PRR16: variants seen among roughly 807,000 people sequenced by gnomAD.
The protein encoded by PRR16 is proline rich 16.
Under a neutral mutation model 18.2 loss-of-function variants are expected in PRR16, and 6 were observed. The ratio of observed to expected loss-of-function variants is 0.33; its 90% CI spans 0.18 to 0.65. The LOEUF (loss-of-function observed/expected upper bound fraction) is 0.65. PRR16 is among the 30% of genes least tolerant of loss of function. The pLI, the probability that PRR16 is intolerant of heterozygous loss-of-function variation, is 0.74. For missense variants in PRR16, 412 were observed against 376.6 expected, an observed-to-expected ratio of 1.09 and a Z score of -0.78; for synonymous variants, 151 against 147.8, an observed-to-expected ratio of 1.02 and a Z score of -0.16.
intron 1 of PRR16, among the ~76,000 whole-genome samples, chr5:120,525,318 C>G (rs1294748671): frequency 6.6e-6 from 1 of 152,070 alleles, no homozygotes; most frequent in Non-Finnish European, 1.5e-5. Context: ...TTATAGCTCC[C>G]TATTTCTGCC....
chr5:120,609,396 T>A (rs9327156), intron 1 of PRR16, among the ~76,000 whole-genome samples: 133,443 of 151,938 alleles, frequency 0.88, 58,984 homozygotes, highest in African/African-American at 0.96. Context: ...GTTAGCTCTA[T>A]CCTACTTTCT....
At chr5:120,654,459 A>G (rs144502757) in intron 1 of PRR16, among the ~76,000 whole-genome samples, 5 of 151,638 alleles carry the variant, frequency 3.3e-5, no homozygotes, top group African/African-American at 1.2e-4. Flanking sequence ...GACACATAAG[A>G]GTTGCCACAA....
intron 1 of PRR16, among the ~76,000 whole-genome samples, chr5:120,512,830 CAA>C (rs1750872592): frequency 6.6e-6 from 1 of 152,114 alleles, no homozygotes; most frequent in African/African-American, 2.4e-5. Context: ...AGTACACACT[CAA>C]GAGAGGAGCG....
intron 1 of PRR16, among the ~76,000 whole-genome samples, chr5:120,675,003 A>C (rs1215691692): frequency 6.6e-6 from 1 of 152,114 alleles, no homozygotes; most frequent in Non-Finnish European, 1.5e-5. Flanking sequence ...AAATAGATTA[A>C]TTAGACTTAC....
the PRR16 span, among the ~76,000 whole-genome samples, chr5:120,693,388 C>T: frequency 2.6e-5 from 4 of 152,168 alleles, no homozygotes; most frequent in Non-Finnish European, 4.4e-5. Context: ...CAGAAGGATG[C>T]TACAATAACA....
chr5:120,605,615 A>G (rs1754128754), intron 1 of PRR16, among the ~76,000 whole-genome samples: 1 of 152,200 alleles, frequency 6.6e-6, no homozygotes, highest in Admixed American at 6.5e-5. Context: ...TGTCAGAATC[A>G]TTATGCTGAC....
chr5:120,721,554 C>A, the PRR16 span, among the ~76,000 whole-genome samples: 3 of 151,724 alleles, frequency 2.0e-5, no homozygotes, highest in African/African-American at 4.8e-5. Context: ...ATGTGGAATC[C>A]CTAAAGAGGC....
intron 1 of PRR16, among the ~76,000 whole-genome samples, chr5:120,599,267 G>A (rs775669914): frequency 6.6e-6 from 1 of 151,556 alleles, no homozygotes; most frequent in South Asian, 2.1e-4. Flanking sequence ...TGCATAAGTC[G>A]TACATAAAAA....
intron 1 of PRR16, among the ~76,000 whole-genome samples, chr5:120,635,164 C>T (rs1446494763): frequency 1.3e-5 from 2 of 152,106 alleles, no homozygotes; most frequent in African/African-American, 2.4e-5. Context: ...CAGATGAATT[C>T]ATGGCTGAAT....
chr5:120,470,530 T>C (rs1482039466), intron 1 of PRR16, among the ~76,000 whole-genome samples: 2 of 152,170 alleles, frequency 1.3e-5, no homozygotes, highest in African/African-American at 2.4e-5. Flanking sequence ...ATGATATAGA[T>C]CGTAACTATT....
chr5:120,467,135 CT>C (rs1749129647), intron 1 of PRR16, among the ~76,000 whole-genome samples: 1 of 152,066 alleles, frequency 6.6e-6, no homozygotes, highest in South Asian at 2.1e-4. Context: ...AATAACAAAA[CT>C]TTGTACATTA....
chr5:120,548,911 A>G (rs925292786), intron 1 of PRR16, among the ~76,000 whole-genome samples: 2 of 151,912 alleles, frequency 1.3e-5, no homozygotes, highest in South Asian at 4.1e-4. Context: ...GAGTGCTGAA[A>G]ACATTGAGAC....
At chr5:120,775,796 A>ATT in the PRR16 span, among the ~76,000 whole-genome samples, 131 of 80,590 alleles carry the variant, frequency 1.6e-3, no homozygotes, top group East Asian at 2.3e-3. Context: ...ACGCCTGGCT[A>ATT]TTTTTTTTTT....
At chr5:120,706,226 C>T in the PRR16 span, among the ~76,000 whole-genome samples, 1 of 152,096 alleles carries the variant, frequency 6.6e-6, no homozygotes, top group Non-Finnish European at 1.5e-5. Flanking sequence ...TTAAAATGGA[C>T]TTCACGATTT....
At chr5:120,533,221 T>G (rs1225035490) in intron 1 of PRR16, among the ~76,000 whole-genome samples, 1 of 152,308 alleles carries the variant, frequency 6.6e-6, no homozygotes, top group Non-Finnish European at 1.5e-5. Flanking sequence ...AGGAATCAAA[T>G]TTGGTAATTA....
At chr5:120,760,072 T>C in the PRR16 span, among the ~76,000 whole-genome samples, 1 of 152,176 alleles carries the variant, frequency 6.6e-6, no homozygotes, top group Admixed American at 6.5e-5. Flanking sequence ...TACTTGTTGA[T>C]AAAGTTGTTT....
intron 1 of PRR16, among the ~76,000 whole-genome samples, chr5:120,496,634 AT>A (rs544079889): frequency 5.3e-4 from 79 of 150,108 alleles, no homozygotes; most frequent in African/African-American, 1.5e-3. Flanking sequence ...TTGTAAATTT[AT>A]TTTTTTTTGA....
At chr5:120,646,481 A>G (rs574545473) in intron 1 of PRR16, among the ~76,000 whole-genome samples, 1 of 152,128 alleles carries the variant, frequency 6.6e-6, no homozygotes, top group South Asian at 2.1e-4. Flanking sequence ...AAGCTCAGAC[A>G]CTTGCCTGAA....
chr5:120,562,524 T>C (rs1295290399), intron 1 of PRR16, among the ~76,000 whole-genome samples: 2 of 152,162 alleles, frequency 1.3e-5, no homozygotes. Flanking sequence ...TTGTTATTTA[T>C]GTTCTGATTG....
Sources: gnomAD v4.1 joint callset for allele counts (sites outside exome capture counted in the v4.1 genomes callset) on GRCh38, gnomAD v4.1.1 for gene constraint, MANE v1.5 for transcripts, NCBI Gene and HGNC (gene_info 2026-07-23, HGNC 2026-07-21) for gene names.